RPAP3: variants seen among roughly 807,000 people sequenced by gnomAD.
RPAP3 encodes the protein RNA polymerase II-associated protein 3.
RPAP3 carries 58 observed loss-of-function variants against 88.8 expected under a neutral mutation model. The ratio of observed to expected loss-of-function variants is 0.65; its 90% CI spans 0.53 to 0.81. The LOEUF is 0.81. Ranked by LOEUF, RPAP3 falls within the 40% of genes least tolerant of loss-of-function variation. RPAP3 has a pLI of 0.00. For missense variants in RPAP3, 751 were observed against 764.3 expected, an observed-to-expected ratio of 0.98 and a Z score of 0.20; for synonymous variants, 255 against 259.9, an observed-to-expected ratio of 0.98 and a Z score of 0.18.
intron 3 of RPAP3, 99 bp from the exon 4 acceptor site, chr12:47,697,818 T>C: frequency 8.9e-7 from 1 of 1,118,160 alleles, no homozygotes; most frequent in Non-Finnish European, 1.3e-6. Context: ...GAATGTAAAT[T>C]GTTACAATCT....
intron 12 of RPAP3, among the ~76,000 whole-genome samples, chr12:47,678,567 C>A (rs1030947949): frequency 2.6e-5 from 4 of 152,106 alleles, no homozygotes; most frequent in African/African-American, 4.8e-5. Context: ...AAACAAACAA[C>A]CCCATCAAAA....
chr12:47,662,776 T>C lies in RPAP3; in HGVS notation c.*729A>G, dbSNP rs1046438. Reference sequence around the variant, plus strand: ...AGTTCTAGCCCTACTTTCAAAAGTTTACAAACGCTACACTCACATCCAACA... The same window carrying C: ...AGTTCTAGCCCTACTTTCAAAAGTTCACAAACGCTACACTCACATCCAACA... On this transcript the variant is annotated 3_prime_UTR_variant, in exon 17 of 17. Transcript: ENST00000005386. The C allele has an allele frequency of 0.16, 24,709 of 152,242 alleles. 2,540 individuals carry two copies. The highest frequency in any genetic ancestry group is 0.32 in the Admixed American group (4,813 of 15,276). The allele number at this position is 152,242 out of a possible 1,614,324, so 9.4% of individuals were successfully genotyped here.
chr12:47,670,265 A>T lies in RPAP3; in HGVS notation c.1368T>A (p.Ala456=). Residue 456 remains alanine, a synonymous_variant, in exon 13 of 17, where the codon GCT becomes GCA. Coordinates refer to ENST00000005386, the MANE Select transcript of RPAP3 (RefSeq NM_024604.3). ...TIDVPDSTTA[A]APENNPINLA... ...GATTAATAGGATTATTCTCTGGAGCAGCAGCAGTAGTGCTATCTGGCACAT... is the reference window on the plus strand; with the variant it reads ...GATTAATAGGATTATTCTCTGGAGCTGCAGCAGTAGTGCTATCTGGCACAT... 1 of 1,613,666 alleles carries T rather than the reference A, an allele frequency of 6.2e-7. No individual in the cohort carries two copies. The highest frequency in any genetic ancestry group is 8.5e-7 in the Non-Finnish European group (1 of 1,179,698).
chr12:47,705,224 T>C (rs1354510682), intron 1 of RPAP3, among the ~76,000 whole-genome samples: 1 of 151,884 alleles, frequency 6.6e-6, no homozygotes, highest in Non-Finnish European at 1.5e-5. Context: ...GAGACGGAAT[T>C]AGAAAAACAT....
intron 2 of RPAP3, among the ~76,000 whole-genome samples, chr12:47,702,320 TG>T (rs1939669858): frequency 6.6e-6 from 1 of 151,696 alleles, no homozygotes; most frequent in Admixed American, 6.6e-5. Context: ...CCGAGGTGGG[TG>T]GATCACTTGA....
At chr12:47,671,476 T>G (rs1938996649) in intron 12 of RPAP3, among the ~76,000 whole-genome samples, 1 of 152,174 alleles carries the variant, frequency 6.6e-6, no homozygotes, top group African/African-American at 2.4e-5. Context: ...AACTCAATGT[T>G]AAAACCAGAA....
At chr12:47,669,273 A>G (rs1032720225) in intron 13 of RPAP3, among the ~76,000 whole-genome samples, 171 bp from the exon 14 acceptor site, 1 of 152,190 alleles carries the variant, frequency 6.6e-6, no homozygotes, top group African/African-American at 2.4e-5. Context: ...TTTTTTGGCA[A>G]AACAGATTAT....
intron 5 of RPAP3, among the ~76,000 whole-genome samples, chr12:47,691,919 G>C (rs1015429627): frequency 1.3e-5 from 2 of 151,932 alleles, no homozygotes; most frequent in African/African-American, 4.8e-5. Flanking sequence ...CTAATTTTTT[G>C]TATTTTTAGT....
At chr12:47,666,386 C>T (rs1468699657) in intron 16 of RPAP3, among the ~76,000 whole-genome samples, 1 of 152,212 alleles carries the variant, frequency 6.6e-6, no homozygotes, top group Non-Finnish European at 1.5e-5. Flanking sequence ...CTCTTTCCTG[C>T]CTCAGAACCA....
chr12:47,685,007 C>G (rs1939294132), intron 9 of RPAP3, among the ~76,000 whole-genome samples: 1 of 152,206 alleles, frequency 6.6e-6, no homozygotes, highest in Admixed American at 6.5e-5. Flanking sequence ...ACTGTTTTCA[C>G]TAAACTTCAA....
chr12:47,685,055 A>T (rs923720495), intron 9 of RPAP3, among the ~76,000 whole-genome samples: 1 of 152,204 alleles, frequency 6.6e-6, no homozygotes, highest in Non-Finnish European at 1.5e-5. Flanking sequence ...AATGCAGACA[A>T]TAGTATCTAT....
chr12:47,691,220 G>A (rs1939421429), intron 5 of RPAP3, among the ~76,000 whole-genome samples: 2 of 152,068 alleles, frequency 1.3e-5, no homozygotes, highest in African/African-American at 4.8e-5. Context: ...TAAATCTTCA[G>A]TTGTCATTTC....
chr12:47,682,386 C>T (rs1228589439), intron 9 of RPAP3, among the ~76,000 whole-genome samples: 1 of 152,024 alleles, frequency 6.6e-6, no homozygotes, highest in Non-Finnish European at 1.5e-5. Context: ...GAGCTCAACC[C>T]CCTCCACCAA....
intron 1 of RPAP3, among the ~76,000 whole-genome samples, 188 bp downstream of exon 1, chr12:47,705,764 C>T (rs1939781277): frequency 6.6e-6 from 1 of 152,172 alleles, no homozygotes; most frequent in South Asian, 2.1e-4. Context: ...GGGCGAGCCC[C>T]TCCGGGAACG....
chr12:47,665,094 T>A (rs868182356), intron 16 of RPAP3, among the ~76,000 whole-genome samples: 3 of 134,650 alleles, frequency 2.2e-5, no homozygotes, highest in Middle Eastern at 4.4e-3. Context: ...TTTGGTAATT[T>A]TTTTTTTTTT....
chr12:47,664,507 A>G lies in RPAP3; in HGVS notation c.1913-917T>C, dbSNP rs1938827207. ...CTGTTTATAGTTCATGCTTCTCAAC[A>G]TTAAAACTGGAGAACTAGCTAACAG... On this transcript the variant is annotated intron_variant, in intron 16 of 16. Transcript: ENST00000005386. 3 of 152,258 alleles carry G rather than the reference A, an allele frequency of 2.0e-5. No homozygotes were observed. The South Asian group carries it at 6.2e-4, about 31-fold the overall frequency. The allele number at this position is 152,258 out of a possible 1,614,324, so 9.4% of individuals were successfully genotyped here. A position where few individuals can be genotyped will look rare whatever the true frequency, so the allele number is the denominator to read the frequency against.
At position 47,697,117 on chromosome 12, in the gene RPAP3, T is replaced by C. The variant is rs1939549032; in HGVS notation, c.417+480A>G. Among the ~76,000 whole-genome samples the C allele has an allele frequency of 2.0e-5, 3 of 152,374 alleles. No individual in the cohort carries two copies. In the South Asian group the frequency reaches 6.2e-4, roughly 32 times the overall value. On this transcript the variant is annotated intron_variant, in intron 4 of 16. Transcript: ENST00000005386. ...TTTGTGAAAGTAATATAGCTGGTTT[T>C]ATAATAATGAGGCATCCCTCAGGGA...
At chr12:47,691,754 TC>T (rs1939433869) in intron 5 of RPAP3, among the ~76,000 whole-genome samples, 1 of 151,956 alleles carries the variant, frequency 6.6e-6, no homozygotes, top group African/African-American at 2.4e-5. Context: ...CTTTTTTTTT[TC>T]TTTTTTTTTG....
intron 6 of RPAP3, among the ~76,000 whole-genome samples, chr12:47,689,631 G>A (rs1253251273): frequency 9.2e-5 from 14 of 151,894 alleles, no homozygotes; most frequent in Non-Finnish European, 2.9e-5. Flanking sequence ...AAGCCACTGT[G>A]CAGAGCCAAG....
Sources: allele counts gnomAD v4.1 joint callset (sites outside exome capture counted in the v4.1 genomes callset), GRCh38; gene constraint gnomAD v4.1.1; transcripts MANE v1.5; gene names NCBI Gene and HGNC (gene_info 2026-07-23, HGNC 2026-07-21).